MAPT: variants seen among roughly 807,000 people sequenced by gnomAD.
MAPT encodes the protein microtubule-associated protein tau.
Under a neutral mutation model 67.9 loss-of-function variants are expected in MAPT, and 34 were observed. The observed-to-expected ratio is 0.50, with a 90% CI of 0.38 to 0.67. The LOEUF (loss-of-function observed/expected upper bound fraction) is 0.67. Ranked by LOEUF, MAPT falls within the 30% of genes least tolerant of loss-of-function variation. The pLI is 0.00. For missense variants in MAPT, 881 were observed against 1,115.2 expected (o/e 0.79, Z 2.99); for synonymous variants, 456 against 464.5 (o/e 0.98, Z 0.23).
intron 1 of MAPT, among the ~76,000 whole-genome samples, chr17:45,930,553 A>G (rs2066756572): frequency 6.6e-6 from 1 of 152,174 alleles, no homozygotes; most frequent in South Asian, 2.1e-4. Flanking sequence ...AAATAAGAAA[A>G]CTGAGACTCA....
intron 4 of MAPT, 44 bp downstream of exon 4, chr17:45,978,484 GA>G: frequency 1.6e-6 from 2 of 1,261,890 alleles, no homozygotes; most frequent in South Asian, 1.2e-5. Context: ...GGGTTGGGGG[GA>G]GGGACATGGG....
chr17:45,991,571 A>C lies in MAPT; in HGVS notation c.1717A>C (p.Thr573Pro). 1 of 1,614,116 alleles carries C rather than the reference A, an allele frequency of 6.2e-7. No homozygotes were observed. ...IPAKTPPAPK[T>P]PPSSGEPPKS... ...AGCAAAAACCCCGCCCGCTCCAAAG[A>C]CACCACCCAGCTCTGGTAAGAAGAA... The change falls in exon 8 of 13, where the codon ACA (threonine) becomes CCA (proline). Residue 573 changes from threonine (T) to proline (P), a missense_variant. Thr to Pro is a conservative substitution (Grantham distance 38). Transcript: ENST00000262410.
At chr17:46,011,522 G>C (rs866031205) in intron 10 of MAPT, among the ~76,000 whole-genome samples, 42 of 152,216 alleles carry the variant, frequency 2.8e-4, no homozygotes, top group Admixed American at 1.5e-3. Context: ...AAGTGCAACT[G>C]ACCCACCCGA....
At chr17:46,021,265 G>A (rs1001057155) in intron 12 of MAPT, among the ~76,000 whole-genome samples, 1 of 152,212 alleles carries the variant, frequency 6.6e-6, no homozygotes, top group African/African-American at 2.4e-5. Flanking sequence ...ACTTTTCAGC[G>A]GCTGGGTCGC....
intron 1 of MAPT, among the ~76,000 whole-genome samples, chr17:45,935,004 TCTGG>T (rs2067194182): frequency 6.6e-6 from 1 of 152,184 alleles, no homozygotes; most frequent in Admixed American, 6.5e-5. Flanking sequence ...TTTGTCTTTT[TCTGG>T]CTGGAAAGAT....
intron 12 of MAPT, among the ~76,000 whole-genome samples, chr17:46,021,871 A>G (rs1466922490): frequency 1.3e-5 from 2 of 152,274 alleles, no homozygotes; most frequent in Middle Eastern, 6.8e-3. Context: ...GGATCCCCGC[A>G]GCATTAGTCC....
At chr17:45,945,068 G>A (rs78834738) in intron 1 of MAPT, among the ~76,000 whole-genome samples, 21,763 of 152,126 alleles carry the variant, frequency 0.14, 2,112 homozygotes, top group Non-Finnish European at 0.22. Flanking sequence ...ACAAAGGTGT[G>A]GTTGGAGCGA....
chr17:45,959,222 C>G (rs1475825933), intron 1 of MAPT, among the ~76,000 whole-genome samples: 1 of 152,188 alleles, frequency 6.6e-6, no homozygotes, highest in African/African-American at 2.4e-5. Flanking sequence ...CAGCCTCCCC[C>G]ACTGCCAACG....
In MAPT at chr17:45,995,195, C is replaced by G. The variant is rs1403263922; in HGVS notation, c.1733-1204C>G. Among the ~76,000 whole-genome samples, 2 of 152,220 alleles carry G rather than the reference C, an allele frequency of 1.3e-5. No individual in the cohort carries two copies. Among genetic ancestry groups the G allele is most frequent in the African/African-American group, 2.4e-5 (1 of 41,462 alleles). On this transcript the variant is annotated intron_variant, in intron 8 of 12. Transcript: ENST00000262410. The surrounding 1 kb of genome is among the most constrained non-coding windows in gnomAD (Gnocchi z 4.3). ...AGCAGGTATGTGTTACAGCAAATGC[C>G]TGGGGCAGCGGCAGGGGCATTGCTG...
chr17:45,993,832 G>T, intron 8 of MAPT: 1 of 1,336,980 alleles, frequency 7.5e-7, no homozygotes, highest in South Asian at 1.3e-5. Context: ...GCCCCTGCTG[G>T]GCCAGCTGTG....
At chr17:45,944,775 T>C (rs1568212709) in intron 1 of MAPT, among the ~76,000 whole-genome samples, 1 of 152,120 alleles carries the variant, frequency 6.6e-6, no homozygotes, top group Admixed American at 6.5e-5. Flanking sequence ...CAAGGGTGCC[T>C]CTGAGAGGCC....
chr17:45,903,359 T>G (rs1181792960), intron 1 of MAPT, among the ~76,000 whole-genome samples: 1 of 152,072 alleles, frequency 6.6e-6, no homozygotes, highest in Non-Finnish European at 1.5e-5. Flanking sequence ...ACCAAACTAT[T>G]GTCTTGCCTC....
At chr17:46,012,690 C>T (rs4284692) in intron 10 of MAPT, among the ~76,000 whole-genome samples, 8 of 152,112 alleles carry the variant, frequency 5.3e-5, no homozygotes, top group African/African-American at 9.7e-5. Context: ...TCCTGACCAC[C>T]GGCCCTGGCT....
At chr17:45,991,107 G>A (rs1328042312) in intron 7 of MAPT, among the ~76,000 whole-genome samples, 1 of 152,248 alleles carries the variant, frequency 6.6e-6, no homozygotes. Flanking sequence ...ATGGATGTCT[G>A]CATATGTGTA....
intron 9 of MAPT, among the ~76,000 whole-genome samples, chr17:45,997,631 G>A (rs992938218): frequency 1.3e-5 from 2 of 152,042 alleles, no homozygotes; most frequent in African/African-American, 4.8e-5. Flanking sequence ...GTGGTGGTGC[G>A]CGCCTATAAT....
intron 1 of MAPT, among the ~76,000 whole-genome samples, chr17:45,932,707 G>GA (rs796085971): frequency 1.3e-5 from 2 of 151,720 alleles, no homozygotes; most frequent in East Asian, 1.9e-4. Flanking sequence ...CTTCTGTGGA[G>GA]AAAAAAAAGT....
At chr17:46,016,346 G>A (rs375111144) in intron 11 of MAPT, among the ~76,000 whole-genome samples, 3 of 150,536 alleles carry the variant, frequency 2.0e-5, no homozygotes, top group African/African-American at 4.9e-5. Context: ...AGCCAAGATC[G>A]TGCCAATGCA....
intron 3 of MAPT, chr17:45,974,738 T>C (rs923399461): frequency 4.1e-5 from 20 of 484,732 alleles, no homozygotes; most frequent in African/African-American, 3.9e-4. Flanking sequence ...AGCGCGTCAG[T>C]TCCAGAGACT....
chr17:46,018,783 C>G lies in MAPT; in HGVS notation c.2286+53C>G, dbSNP rs570644801. On this transcript the variant is annotated intron_variant, in intron 12 of 12. Coordinates refer to ENST00000262410, the MANE Select transcript of MAPT (RefSeq NM_001377265.1). ...TGCCCTTGGGTATATGGGCATTAAT[C>G]AAGTTGAGTGGACAAAGGCTGGTCC... The G allele has an allele frequency of 1.7e-5, 21 of 1,266,748 alleles. No individual in the cohort carries two copies. In the South Asian group the frequency reaches 2.5e-4, roughly 15 times the overall value. The allele number at this position is 1,266,748 out of a possible 1,614,324, so 78.5% of individuals were successfully genotyped here.
Sources: allele counts gnomAD v4.1 joint callset (sites outside exome capture counted in the v4.1 genomes callset), GRCh38; gene constraint gnomAD v4.1.1; non-coding constraint Gnocchi (gnomAD v3.1); transcripts MANE v1.5; gene names NCBI Gene and HGNC (gene_info 2026-07-23, HGNC 2026-07-21).